The following PDE6B variants were observed in gnomAD, a reference collection of about 807,000 sequenced individuals.
PDE6B encodes phosphodiesterase 6B, also known as rod cGMP-specific 3',5'-cyclic phosphodiesterase subunit beta.
A neutral mutation model predicts 109.0 loss-of-function variants in PDE6B; 106 were observed. The ratio of observed to expected loss-of-function variants is 0.97; its 90% CI spans 0.83 to 1.14. The LOEUF is 1.14. Among genes scored for constraint, PDE6B ranks in the 50% most tolerant of loss-of-function variants. The pLI, the probability that PDE6B is intolerant of heterozygous loss-of-function variation, is 0.00. For synonymous variants in PDE6B, 490 were observed against 471.3 expected, an observed-to-expected ratio of 1.04 and a Z score of -0.51; for missense variants, 1,193 against 1,155.6, an observed-to-expected ratio of 1.03 and a Z score of -0.47.
chr4:663,457 C>G lies in PDE6B; in HGVS notation c.1920+270C>G, dbSNP rs578043941. On this transcript the variant is annotated intron_variant, in intron 15 of 21. Coordinates refer to ENST00000496514, the MANE Select transcript of PDE6B (RefSeq NM_000283.4). The surrounding 1 kb of genome is among the most constrained non-coding windows in gnomAD (Gnocchi z 4.0). ...GAAGGGGAAGCGGCCCGGGACCCAC[C>G]AGCGGGGGAATGAAGGGCAGCCGAG... is the stretch of plus-strand genomic sequence containing the variant. Among the ~76,000 whole-genome samples, 1 of 152,196 alleles carries G rather than the reference C, an allele frequency of 6.6e-6. No individual in the cohort carries two copies. Among genetic ancestry groups the G allele is most frequent in the East Asian group, 1.9e-4 (1 of 5,174 alleles).
intron 1 of PDE6B, among the ~76,000 whole-genome samples, chr4:629,116 C>G (rs969803614): frequency 6.6e-6 from 1 of 152,230 alleles, no homozygotes; most frequent in African/African-American, 2.4e-5. Context: ...AGGCCCTGCC[C>G]AGCTACCCAG....
At chr4:656,418 G>A (rs889570345) in intron 8 of PDE6B, 126 bp downstream of exon 8, 4 of 756,620 alleles carry the variant, frequency 5.3e-6, no homozygotes, top group African/African-American at 1.7e-5. Context: ...GGTGGCTCAC[G>A]CCTGTAATCC....
intron 9 of PDE6B, 132 bp downstream of exon 9, chr4:657,155 A>G (rs1437119739): frequency 3.4e-6 from 4 of 1,186,018 alleles, no homozygotes; most frequent in Non-Finnish European, 3.7e-6. Flanking sequence ...GCATGCGGCC[A>G]GGGAGAGGAC....
At chr4:657,267 C>T (rs1397843245) in intron 9 of PDE6B, 84 bp from the exon 10 acceptor site, 41 of 1,524,386 alleles carry the variant, frequency 2.7e-5, no homozygotes, top group East Asian at 7.0e-5. Flanking sequence ...ACCTGCCCGC[C>T]GAGCCACGGG....
At chr4:664,271 G>A in intron 17 of PDE6B, 50 bp downstream of exon 17, 1 of 1,018,548 alleles carries the variant, frequency 9.8e-7, no homozygotes, top group South Asian at 1.3e-5. Context: ...GCAGGGACCG[G>A]GCCCACTCAC....
chr4:654,863 G>A lies in PDE6B; in HGVS notation c.967G>A (p.Gly323Ser), dbSNP rs140224236. The A allele has an allele frequency of 1.5e-4, 238 of 1,567,070 alleles. No homozygotes were observed. In the East Asian group the frequency reaches 4.4e-3, roughly 29 times the overall value. The stretch of plus-strand genomic sequence containing the variant: ...CAAAGTGATCGACTACGTCCTCCAC[G>A]GCAAGGAGGAGATCAAGGTCATTCC... ...FYKVIDYVLH[G>S]KEEIKVIPTP... Residue 323 changes from glycine (G) to serine (S), a missense_variant, in exon 6 of 22, where the codon GGC becomes AGC. Coordinates refer to ENST00000496514, the MANE Select transcript of PDE6B (RefSeq NM_000283.4).
chr4:667,552 C>T (rs1577310475), intron 20 of PDE6B, among the ~76,000 whole-genome samples: 1 of 152,268 alleles, frequency 6.6e-6, no homozygotes, highest in East Asian at 1.9e-4. Context: ...CCTGTGCCCA[C>T]CACCCCTCTG....
In PDE6B at chr4:654,216, C is replaced by G. The variant is rs775769172; in HGVS notation, c.927+62C>G. 4 of 1,437,826 alleles carry G rather than the reference C, an allele frequency of 2.8e-6. No individual in the cohort carries two copies. The African/African-American group carries it at 5.6e-5, about 20-fold the overall frequency. The allele number at this position is 1,437,826 out of a possible 1,614,324, so 89.1% of individuals were successfully genotyped here. A position where few individuals can be genotyped will look rare whatever the true frequency, so the allele number is the denominator to read the frequency against. ...CGCCTCTGTTTCCCTGACTCCAACT[C>G]CAGGGCAGGAGAGGGAGGGATAGGG... On this transcript the variant is annotated intron_variant, in intron 5 of 21. Transcript: ENST00000496514.
chr4:652,779 T>A (rs1444626291), intron 3 of PDE6B: 1 of 152,510 alleles, frequency 6.6e-6, no homozygotes, highest in Non-Finnish European at 1.5e-5. Flanking sequence ...TCGGATTTTG[T>A]TATCAGAGCG....
chr4:661,999 G>A (rs1384679332), intron 12 of PDE6B, 135 bp from the exon 13 acceptor site: 1 of 686,860 alleles, frequency 1.5e-6, no homozygotes, highest in African/African-American at 1.8e-5. Flanking sequence ...GGATGGGGAA[G>A]ATCGGGAAGT....
chr4:626,162 G>T lies in PDE6B; in HGVS notation c.468+68G>T, dbSNP rs2109114247. Reference sequence around the variant, plus strand: ...CTTGCACCTGTCCCAGGTGTCTAAGGGTCAGCTCGGATCCTCAGGCCTCCA... The same window carrying T: ...CTTGCACCTGTCCCAGGTGTCTAAGTGTCAGCTCGGATCCTCAGGCCTCCA... On this transcript the variant is annotated intron_variant, in intron 1 of 21. Transcript: ENST00000496514. The surrounding 1 kb of genome is among the most constrained non-coding windows in gnomAD (Gnocchi z 4.6). 1 of 982,244 alleles carries T rather than the reference G, an allele frequency of 1.0e-6. No homozygotes were observed. Among genetic ancestry groups the T allele is most frequent in the East Asian group, 2.6e-5 (1 of 38,454 alleles). 60.8% of individuals were successfully genotyped at this position (982,244 alleles called of 1,614,324 possible). A position where few individuals can be genotyped will look rare whatever the true frequency, so the allele number is the denominator to read the frequency against.
At chr4:667,770 C>T (rs774650004) in intron 20 of PDE6B, 86 bp from the exon 21 acceptor site, 161 of 1,433,254 alleles carry the variant, frequency 1.1e-4, no homozygotes, top group Middle Eastern at 5.5e-4. Context: ...TCATCCCCTA[C>T]GAGGGGGATG....
In PDE6B at chr4:660,595, G is replaced by T. The variant is rs1444051828; in HGVS notation, c.1596G>T (p.Lys532Asn). Reference sequence around the variant, plus strand: ...ACTACGAGCTGGGCGTGGTCCGAAAGTTCCAGATCCCCCAGGAGGTGGGAG... The same window carrying T: ...ACTACGAGCTGGGCGTGGTCCGAAATTTCCAGATCCCCCAGGAGGTGGGAG... The part of the protein sequence containing the change: ...QMYYELGVVR[K>N]FQIPQEVLVR... Residue 532 changes from lysine (K) to asparagine (N), a missense_variant, in exon 12 of 22, where the codon AAG becomes AAT. By Grantham distance (94) the Lys-to-Asn change is moderately conservative. Coordinates refer to ENST00000496514, the MANE Select transcript of PDE6B (RefSeq NM_000283.4). The T allele has an allele frequency of 1.2e-6, 2 of 1,613,858 alleles. No homozygotes were observed. The highest frequency in any genetic ancestry group is 1.3e-5 in the African/African-American group (1 of 75,046).
In PDE6B at chr4:662,421, A is replaced by G. The variant is rs1038868333; in HGVS notation, c.1723-88A>G. 4.1e-6 allele frequency: 4 copies of G among 981,838 alleles called. No homozygotes were observed. The highest frequency in any genetic ancestry group is 2.5e-5 in the East Asian group (1 of 40,036). The allele number at this position is 981,838 out of a possible 1,614,324, so 60.8% of individuals were successfully genotyped here. ...TGCGGTGGTCGGAGGTCCAACCTCC[A>G]ACCCGACGCCTAGGTCATCCCAACC... On this transcript the variant is annotated intron_variant, in intron 13 of 21. Coordinates refer to ENST00000496514, the MANE Select transcript of PDE6B (RefSeq NM_000283.4). The surrounding 1 kb of genome is among the most constrained non-coding windows in gnomAD (Gnocchi z 4.3).
In PDE6B at chr4:664,205, C is replaced by A. The variant is rs745606896; in HGVS notation, c.2113C>A (p.Arg705=). The stretch of plus-strand genomic sequence containing the variant: ...GGAGTACCTGTCCCTGGAGACGACC[C>A]GGAAGGAGATCGTCATGTGAGCGCG... ...WVEYLSLETT[R]KEIVMAMMMT... The change falls in exon 17 of 22, where the codon CGG becomes AGG. Residue 705 remains arginine, a synonymous_variant. Coordinates refer to ENST00000496514, the MANE Select transcript of PDE6B (RefSeq NM_000283.4). 1 of 1,599,006 alleles carries A rather than the reference C, an allele frequency of 6.3e-7. No homozygotes were observed. The highest frequency in any genetic ancestry group is 1.1e-5 in the South Asian group (1 of 90,786).
At chr4:651,273 A>G (rs372163951) in intron 3 of PDE6B, among the ~76,000 whole-genome samples, 7,491 of 105,140 alleles carry the variant, frequency 0.071, 260 homozygotes, top group African/African-American at 0.16. Flanking sequence ...CGATGTCAAC[A>G]GCAGTGGGGC....
chr4:655,957 A>G lies in PDE6B; in HGVS notation c.1010A>G (p.His337Arg), dbSNP rs1736178477. The change falls in exon 7 of 22, where the codon CAC becomes CGC. Residue 337 changes from histidine (H) to arginine (R), a missense_variant. Physicochemically the swap from His to Arg is conservative, Grantham distance 29. Transcript: ENST00000496514. ...GCCCACAGCACACCCTCAGCCGATC[A>G]CTGGGCCCTGGCCAGCGGCCTTCCA... Reference protein sequence around the residue: ...IKVIPTPSADHWALASGLPSY... With the variant: ...IKVIPTPSADRWALASGLPSY... The G allele has an allele frequency of 6.2e-7, 1 of 1,610,766 alleles. No individual in the cohort carries two copies.
At chr4:642,876 A>G (rs1023542090) in intron 3 of PDE6B, among the ~76,000 whole-genome samples, 3 of 151,892 alleles carry the variant, frequency 2.0e-5, no homozygotes, top group Non-Finnish European at 4.4e-5. Flanking sequence ...TTTTTTCTGC[A>G]TTGATTGATA....
chr4:658,111 G>T (rs1371114886), intron 10 of PDE6B, among the ~76,000 whole-genome samples: 1 of 143,250 alleles, frequency 7.0e-6, no homozygotes, highest in Non-Finnish European at 1.5e-5. Context: ...CTCTGCGGCG[G>T]GGGCAGGTCA....
Sources: allele counts gnomAD v4.1 joint callset (sites outside exome capture counted in the v4.1 genomes callset), GRCh38; gene constraint gnomAD v4.1.1; non-coding constraint Gnocchi (gnomAD v3.1); transcripts MANE v1.5; gene names NCBI Gene and HGNC (gene_info 2026-07-23, HGNC 2026-07-21).